Variants in SDK2 observed in about 807,000 individuals in gnomAD.
SDK2 encodes the protein protein sidekick-2.
In SDK2, 105 loss-of-function variants were observed where a neutral mutation model predicts 253.9. The ratio of observed to expected loss-of-function variants is 0.41; its 90% confidence interval spans 0.35 to 0.49. SDK2 has a LOEUF of 0.49. Among genes scored for constraint, SDK2 ranks in the 20% least tolerant of loss-of-function variants. SDK2 has a pLI of 0.06. For synonymous variants in SDK2, 1,249 were observed against 1,234.9 expected (o/e 1.01, Z -0.24); for missense variants, 2,608 against 3,003.0 (o/e 0.87, Z 3.07).
intron 6 of SDK2, 60 bp from the exon 7 acceptor site, chr17:73,438,214 C>A: frequency 6.8e-7 from 1 of 1,470,404 alleles, no homozygotes; most frequent in South Asian, 1.3e-5. Flanking sequence ...GCCTGAGAGG[C>A]AGGGCAGGGG....
At chr17:73,493,870 G>A (rs952216844) in intron 2 of SDK2, among the ~76,000 whole-genome samples, 1 of 151,976 alleles carries the variant, frequency 6.6e-6, no homozygotes, top group African/African-American at 2.4e-5. Flanking sequence ...GCTTCAGAGA[G>A]CTCCACAGTT....
chr17:73,546,186 C>T (rs564827471), intron 1 of SDK2, among the ~76,000 whole-genome samples: 186 of 152,332 alleles, frequency 1.2e-3, no homozygotes, highest in African/African-American at 4.3e-3. Context: ...TCTCCCCTCC[C>T]TGAAGGTGCC....
intron 38 of SDK2, among the ~76,000 whole-genome samples, chr17:73,363,186 C>T (rs562622677): frequency 5.3e-5 from 8 of 152,294 alleles, no homozygotes; most frequent in African/African-American, 1.9e-4. Context: ...TGGGTTCAAG[C>T]GATTCTCCTG....
chr17:73,367,454 C>T (rs1204970487), intron 37 of SDK2, among the ~76,000 whole-genome samples: 1 of 152,080 alleles, frequency 6.6e-6, no homozygotes, highest in East Asian at 1.9e-4. Flanking sequence ...TGCCTGGAGC[C>T]CCCAGCACCC....
At chr17:73,559,078 T>G (rs2045188123) in intron 1 of SDK2, among the ~76,000 whole-genome samples, 1 of 152,208 alleles carries the variant, frequency 6.6e-6, no homozygotes, top group South Asian at 2.1e-4. Context: ...CTTTTCTCTC[T>G]TCTCTATGGG....
intron 16 of SDK2, 63 bp from the exon 17 acceptor site, chr17:73,416,055 A>G: frequency 6.8e-7 from 1 of 1,477,440 alleles, no homozygotes; most frequent in Non-Finnish European, 9.2e-7. Flanking sequence ...GTACCCAGGA[A>G]ATTGTCCAGA....
chr17:73,586,736 C>A (rs16977684), intron 1 of SDK2, among the ~76,000 whole-genome samples: 3,412 of 152,272 alleles, frequency 0.022, 110 homozygotes, highest in African/African-American at 0.074. Flanking sequence ...CTCTTTAAGC[C>A]TGAAGGTCCA....
Position 73,352,453 on chromosome 17 carries a change from C to A in SDK2, c.5758+20G>T. 3.1e-6 allele frequency: 5 copies of A among 1,602,284 alleles called. No homozygotes were observed. The highest frequency in any genetic ancestry group is 4.3e-6 in the Non-Finnish European group (5 of 1,174,854). On this transcript the variant is annotated intron_variant, in intron 41 of 44. Coordinates refer to ENST00000392650, the MANE Select transcript of SDK2 (RefSeq NM_001144952.2). The surrounding 1 kb of genome is among the most constrained non-coding windows in gnomAD (Gnocchi z 4.1). ...CTCTGCTGTGGGGCTCCCCCACTCC[C>A]TCAGCCCCCAGGCCGGTACCTGGCA...
intron 40 of SDK2, among the ~76,000 whole-genome samples, chr17:73,353,802 C>T (rs1046132418): frequency 1.4e-5 from 2 of 146,050 alleles, no homozygotes; most frequent in African/African-American, 2.5e-5. Flanking sequence ...CTCCCAGGTT[C>T]AAGCTATTTT....
chr17:73,499,298 G>A (rs2063867380), intron 2 of SDK2, among the ~76,000 whole-genome samples: 1 of 152,246 alleles, frequency 6.6e-6, no homozygotes, highest in African/African-American at 2.4e-5. Flanking sequence ...CACATGTGCA[G>A]GGCTTCTCTG....
chr17:73,395,512 C>G lies in SDK2; in HGVS notation c.3355-120G>C. 1 of 711,222 alleles carries G rather than the reference C, an allele frequency of 1.4e-6. No homozygotes were observed. The highest frequency in any genetic ancestry group is 2.4e-6 in the Non-Finnish European group (1 of 418,562). 44.1% of individuals were successfully genotyped at this position (711,222 alleles called of 1,614,324 possible). On this transcript the variant is annotated intron_variant, in intron 24 of 44. Transcript: ENST00000392650. This position sits in a 1 kb window ranked among gnomAD's most constrained non-coding sequence, Gnocchi z 4.3. ...CAGGGCTATCCATCCCACTGTCACC[C>G]GGTCAGTGTCCACATGAGGCTCTCT...
At chr17:73,430,052 C>T (rs550627693) in intron 12 of SDK2, among the ~76,000 whole-genome samples, 1 of 152,338 alleles carries the variant, frequency 6.6e-6, no homozygotes, top group South Asian at 2.1e-4. Flanking sequence ...TCCTGCCCCA[C>T]CCCTATAGCT....
At chr17:73,557,543 T>A (rs1027673644) in intron 1 of SDK2, among the ~76,000 whole-genome samples, 16 of 152,142 alleles carry the variant, frequency 1.1e-4, no homozygotes, top group East Asian at 5.8e-4. Context: ...CCTCAAGTGG[T>A]CTGCCTACCT....
At chr17:73,624,573 A>G (rs1190301948) in intron 1 of SDK2, among the ~76,000 whole-genome samples, 1 of 152,216 alleles carries the variant, frequency 6.6e-6, no homozygotes, top group East Asian at 1.9e-4. Flanking sequence ...AACAGCAGCA[A>G]ATGAACTCTA....
chr17:73,341,369 C>T (rs1460925628), intron 44 of SDK2, among the ~76,000 whole-genome samples: 4 of 151,868 alleles, frequency 2.6e-5, no homozygotes, highest in African/African-American at 9.7e-5. Flanking sequence ...TGGTGCACCC[C>T]TTCCCCTACC....
chr17:73,411,141 C>A (rs2063122823), intron 18 of SDK2, among the ~76,000 whole-genome samples: 1 of 152,148 alleles, frequency 6.6e-6, no homozygotes, highest in South Asian at 2.1e-4. Context: ...CTGCTCCCTG[C>A]CCTGCAAAGC....
At position 73,401,973 on chromosome 17, in the gene SDK2, G is replaced by A; in HGVS notation, c.2653C>T (p.Pro885Ser). Residue 885 changes from proline to serine, a missense_variant, in exon 19 of 45, where the codon CCG becomes TCG. Transcript: ENST00000392650. ...TCCTCATGGGTGCGCACCAGCTGCG[G>A]GGTGCTGCGTGGCCCGTCCCCGGGG... ...TTPGDGPRST[P>S]QLVRTHEDVP... 6 of 1,612,468 alleles carry A rather than the reference G, an allele frequency of 3.7e-6. No individual in the cohort carries two copies. The South Asian group carries it at 4.4e-5, about 12-fold the overall frequency.
rs371704241 is a variant in SDK2 at position 73,423,510 on chromosome 17, G to A, written c.1773C>T (p.His591=). Residue 591 remains histidine (H), a synonymous_variant, in exon 14 of 45, where the codon CAC becomes CAT. Transcript: ENST00000392650. ...SAHLRVRQLP[H]APEHPVATLS... ...GAGTGGCCACTGGGTGCTCGGGCGC[G>A]TGGGGCAGTTGCCTGGAAAAGAGAC... The A allele has an allele frequency of 9.6e-6, 15 of 1,568,558 alleles. No individual in the cohort carries two copies. Among genetic ancestry groups the A allele is most frequent in the African/African-American group, 2.7e-5 (2 of 73,488 alleles).
chr17:73,363,585 T>G (rs923062986), intron 38 of SDK2, among the ~76,000 whole-genome samples: 34 of 152,254 alleles, frequency 2.2e-4, no homozygotes. Flanking sequence ...GAACCCAGGA[T>G]GAACTGGGGT....
Sources: gnomAD v4.1 joint callset for allele counts (sites outside exome capture counted in the v4.1 genomes callset) on GRCh38, gnomAD v4.1.1 for gene constraint, Gnocchi (gnomAD v3.1) non-coding constraint, MANE v1.5 for transcripts, NCBI Gene and HGNC (gene_info 2026-07-23, HGNC 2026-07-21) for gene names.